Variants in MFHAS1 observed in about 807,000 individuals in gnomAD.
MFHAS1 encodes malignant fibrous histiocytoma-amplified sequence 1.
MFHAS1 carries 50 observed loss-of-function variants against 70.4 expected under a neutral mutation model. The ratio of observed to expected loss-of-function variants is 0.71; its 90% confidence interval spans 0.57 to 0.90. The LOEUF (loss-of-function observed/expected upper bound fraction) is 0.90. Ranked by LOEUF, MFHAS1 falls within the 40% of genes least tolerant of loss-of-function variation. The pLI, the probability that MFHAS1 is intolerant of heterozygous loss-of-function variation, is 0.00. For missense variants in MFHAS1, 1,795 were observed against 1,347.6 expected, an observed-to-expected ratio of 1.33 and a Z score of -5.20; for synonymous variants, 952 against 620.0, an observed-to-expected ratio of 1.54 and a Z score of -7.96.
chr8:8,819,926 G>C (rs1191424729), intron 1 of MFHAS1, among the ~76,000 whole-genome samples: 1 of 152,122 alleles, frequency 6.6e-6, no homozygotes, highest in East Asian at 1.9e-4. Flanking sequence ...TCAAACTCCT[G>C]AGTTCAAACT....
intron 1 of MFHAS1, among the ~76,000 whole-genome samples, chr8:8,814,081 G>T (rs551829741): frequency 6.6e-6 from 1 of 151,990 alleles, no homozygotes; most frequent in Non-Finnish European, 1.5e-5. Context: ...GGGATTACAG[G>T]TGTGTGCCAC....
At chr8:8,788,394 G>A (rs1281601989) in intron 2 of MFHAS1, among the ~76,000 whole-genome samples, 1 of 152,160 alleles carries the variant, frequency 6.6e-6, no homozygotes, top group Non-Finnish European at 1.5e-5. Flanking sequence ...AAGTACTGAG[G>A]AGAGCCAGGT....
In MFHAS1 at chr8:8,890,093, T is replaced by A. The variant is rs748147674; in HGVS notation, c.2966A>T (p.Lys989Met). 2 of 1,611,788 alleles carry A rather than the reference T, an allele frequency of 1.2e-6. No homozygotes were observed. The highest frequency in any genetic ancestry group is 1.7e-6 in the Non-Finnish European group (2 of 1,178,506). ...TVHILCSKCL[K>M]RGSPNPHAFP... is the part of the protein sequence containing the mutation. ...AGCATGTGGATTGGGCGATCCTCTC[T>A]TAAGGCACTTAGAACAGAGAATGTG... The change falls in exon 1 of 3, where the codon AAG becomes ATG. Residue 989 changes from lysine to methionine, a missense_variant. By Grantham distance (95) the Lys-to-Met change is moderately conservative (BLOSUM62 -1). Coordinates refer to ENST00000276282, the MANE Select transcript of MFHAS1 (RefSeq NM_004225.3).
chr8:8,852,812 C>G (rs925233975), intron 1 of MFHAS1, among the ~76,000 whole-genome samples: 2 of 152,146 alleles, frequency 1.3e-5, no homozygotes, highest in Non-Finnish European at 2.9e-5. Context: ...GAACAGAGTC[C>G]GGTAAACAGT....
At chr8:8,883,772 G>A (rs1809629095) in intron 1 of MFHAS1, among the ~76,000 whole-genome samples, 2 of 149,026 alleles carry the variant, frequency 1.3e-5, no homozygotes, top group African/African-American at 2.5e-5. Flanking sequence ...ATAGGTAGAT[G>A]AGAAGAAAAA....
At chr8:8,881,435 G>A (rs917199469) in intron 1 of MFHAS1, among the ~76,000 whole-genome samples, 8 of 152,156 alleles carry the variant, frequency 5.3e-5, no homozygotes, top group Non-Finnish European at 7.3e-5. Flanking sequence ...ACACCAGCAG[G>A]TGTAACCTGT....
At chr8:8,852,527 A>C (rs1741642983) in intron 1 of MFHAS1, among the ~76,000 whole-genome samples, 1 of 152,090 alleles carries the variant, frequency 6.6e-6, no homozygotes, top group African/African-American at 2.4e-5. Context: ...AAGAGGGTTT[A>C]GACCTGGTGC....
At chr8:8,855,309 G>C (rs1808396476) in intron 1 of MFHAS1, among the ~76,000 whole-genome samples, 1 of 152,188 alleles carries the variant, frequency 6.6e-6, no homozygotes, top group Non-Finnish European at 1.5e-5. Context: ...GCGGAAAACA[G>C]ATGAATTAAG....
chr8:8,871,162 A>G (rs1809061514), intron 1 of MFHAS1, among the ~76,000 whole-genome samples: 1 of 152,216 alleles, frequency 6.6e-6, no homozygotes, highest in African/African-American at 2.4e-5. Context: ...GCCCCTGGCC[A>G]TATGACTTAG....
rs2271340 is a variant in MFHAS1, at chr8:8,786,072, C to G, written c.3126-17G>C. ...ACATTCTTCCTGTATGGGTGGACAA[C>G]AAGAAAGCACAGAGATGACAAAAAC... On this transcript the variant is annotated splice_polypyrimidine_tract_variant and intron_variant, in intron 2 of 2. Coordinates refer to ENST00000276282, the MANE Select transcript of MFHAS1 (RefSeq NM_004225.3). 1,245,641 of 1,611,864 alleles carry G rather than the reference C, an allele frequency of 0.77. 483,221 individuals carry two copies. Among genetic ancestry groups the G allele is most frequent in the East Asian group, 0.9 (40,283 of 44,894 alleles).
chr8:8,877,519 G>C (rs1161101618), intron 1 of MFHAS1, among the ~76,000 whole-genome samples: 6 of 152,246 alleles, frequency 3.9e-5, no homozygotes, highest in South Asian at 2.1e-4. Context: ...CGATGTTCTG[G>C]AATACATTCC....
chr8:8,855,328 T>C (rs1004819923), intron 1 of MFHAS1, among the ~76,000 whole-genome samples: 12 of 152,192 alleles, frequency 7.9e-5, no homozygotes, highest in African/African-American at 2.9e-4. Flanking sequence ...AGACATGGCA[T>C]CTTACCACAG....
At chr8:8,886,986 G>T (rs1383289776) in intron 1 of MFHAS1, among the ~76,000 whole-genome samples, 1 of 152,156 alleles carries the variant, frequency 6.6e-6, no homozygotes, top group African/African-American at 2.4e-5. Context: ...AATTAGCCAG[G>T]TGTGGTGGCG....
intron 1 of MFHAS1, among the ~76,000 whole-genome samples, chr8:8,825,999 T>A (rs1401759584): frequency 6.6e-6 from 1 of 152,188 alleles, no homozygotes; most frequent in Non-Finnish European, 1.5e-5. Flanking sequence ...ATGACCTGGT[T>A]CTGAGTAACT....
intron 1 of MFHAS1, among the ~76,000 whole-genome samples, chr8:8,880,517 C>A (rs1809477161): frequency 6.6e-6 from 1 of 152,156 alleles, no homozygotes. Context: ...ATGGCACACG[C>A]ACAACAGAAA....
chr8:8,825,705 T>A (rs1807132976), intron 1 of MFHAS1, among the ~76,000 whole-genome samples: 1 of 152,162 alleles, frequency 6.6e-6, no homozygotes, highest in African/African-American at 2.4e-5. Flanking sequence ...TGAACCATAA[T>A]TACCTCTTTA....
intron 1 of MFHAS1, among the ~76,000 whole-genome samples, chr8:8,877,308 A>AAAAAAAC (rs1809335303): frequency 6.6e-6 from 1 of 151,276 alleles, no homozygotes; most frequent in Non-Finnish European, 1.5e-5. Flanking sequence ...CCTCAAAAAA[A>AAAAAAAC]AAAAAAAAAA....
At chr8:8,863,386 A>G (rs1455096607) in intron 1 of MFHAS1, among the ~76,000 whole-genome samples, 1 of 152,230 alleles carries the variant, frequency 6.6e-6, no homozygotes, top group Non-Finnish European at 1.5e-5. Context: ...TGTGTAAATT[A>G]ACAGTGGCTC....
chr8:8,785,725 G>T lies in MFHAS1; in HGVS notation c.*297C>A. The T allele has an allele frequency of 2.7e-6, 1 of 373,980 alleles. No homozygotes were observed. Among genetic ancestry groups the T allele is most frequent in the Admixed American group, 4.2e-5 (1 of 23,620 alleles). 23.2% of individuals were successfully genotyped at this position (373,980 alleles called of 1,614,324 possible). On this transcript the variant is annotated 3_prime_UTR_variant, in exon 3 of 3. Transcript: ENST00000276282. ...TGTGCACGGAAAACAAAATCCCTGA[G>T]AAGCCATTCGACTTTTTTTTTTTTT...
Sources: gnomAD v4.1 joint callset for allele counts (sites outside exome capture counted in the v4.1 genomes callset) on GRCh38, gnomAD v4.1.1 for gene constraint, MANE v1.5 for transcripts, NCBI Gene and HGNC (gene_info 2026-07-23, HGNC 2026-07-21) for gene names.